Variants in GOLGA6L2 observed in about 807,000 individuals in gnomAD.
GOLGA6L2 encodes the protein golgin subfamily A member 6-like protein 2.
A neutral mutation model predicts 35.9 loss-of-function variants in GOLGA6L2; 30 were observed. The observed-to-expected ratio is 0.83, with a 90% confidence interval of 0.62 to 1.13. GOLGA6L2 has a LOEUF of 1.13. GOLGA6L2 is among the 50% of genes most tolerant of loss of function. GOLGA6L2 has a pLI of 0.00. For missense variants in GOLGA6L2, 821 were observed against 973.4 expected, an observed-to-expected ratio of 0.84 and a Z score of 2.08; for synonymous variants, 297 against 344.0, an observed-to-expected ratio of 0.86 and a Z score of 1.51.
Position 23,441,679 on chromosome 15 carries a change from G to T in GOLGA6L2, c.796C>A (p.Gln266Lys). The T allele has an allele frequency of 6.7e-7, 1 of 1,502,478 alleles. No homozygotes were observed. 93.1% of individuals were successfully genotyped at this position (1,502,478 alleles called of 1,614,324 possible). A position where few individuals can be genotyped will look rare whatever the true frequency, so the allele number is the denominator to read the frequency against. ...ATCTCCTCCTGCAAAGTGTTGGTTT[G>T]AACCTCAAAAGGAAATAGACTTATG... ...ERAKFLLPQV[Q>K]TNTLQEEMWR... is the part of the protein sequence containing the mutation. Residue 266 changes from glutamine (Q) to lysine (K), a missense_variant, in exon 8 of 8, where the codon CAA (glutamine) becomes AAA (lysine). Transcript: ENST00000567107.
In GOLGA6L2 at chr15:23,444,502, T is replaced by C. The variant is rs781250251; in HGVS notation, c.214-2A>G. 2.0e-5 allele frequency: 32 copies of C among 1,599,488 alleles called. No homozygotes were observed. The African/African-American group carries it at 4.0e-4, about 20-fold the overall frequency. ...CAGCTGCGCTCGGTTCTGTTGTGTC[T>C]GTGGGGAGAGTCAAAGGAAGGTGAC... On this transcript the variant is annotated splice_acceptor_variant, in intron 2 of 7. Transcript: ENST00000567107. LOFTEE classifies it high-confidence loss of function.
chr15:23,441,864 C>G (rs2070697466), intron 7 of GOLGA6L2, 115 bp downstream of exon 7: 1 of 1,414,420 alleles, frequency 7.1e-7, no homozygotes. Flanking sequence ...GGGACCAGAA[C>G]AAGGACCCAA....
Position 23,439,357 on chromosome 15 carries a change from C to A in GOLGA6L2, c.*388G>T. The stretch of plus-strand genomic sequence containing the variant: ...AACTCCTGACCTCAGGTGATCCACC[C>A]CCTCTAGGTCTCCCAAAGTGCTGCG... On this transcript the variant is annotated 3_prime_UTR_variant, in exon 8 of 8. Transcript: ENST00000567107. The A allele has an allele frequency of 3.0e-6, 1 of 335,206 alleles. No homozygotes were observed. The highest frequency in any genetic ancestry group is 2.8e-5 in the South Asian group (1 of 36,030). 20.8% of individuals were successfully genotyped at this position (335,206 alleles called of 1,614,324 possible).
At position 23,439,449 on chromosome 15, in the gene GOLGA6L2, T is replaced by TC; in HGVS notation, c.*295_*296insG. ...CAATTTAAAGTAAATTTTCTTTTCT[T>TC]TTTTTTTTTTTTTTTCAAGTTTGTG... On this transcript the variant is annotated 3_prime_UTR_variant, in exon 8 of 8. Coordinates refer to ENST00000567107, the MANE Select transcript of GOLGA6L2 (RefSeq NM_001304388.2). 1 of 449,186 alleles carries TC rather than the reference T, an allele frequency of 2.2e-6. No homozygotes were observed. Among genetic ancestry groups the TC allele is most frequent in the Non-Finnish European group, 3.4e-6 (1 of 291,692 alleles). 27.8% of individuals were successfully genotyped at this position (449,186 alleles called of 1,614,324 possible).
chr15:23,443,109 T>C (rs1475071378), intron 5 of GOLGA6L2, among the ~76,000 whole-genome samples: 1 of 152,172 alleles, frequency 6.6e-6, no homozygotes, highest in Non-Finnish European at 1.5e-5. Context: ...AAAAGTTAAA[T>C]GGTTGCCTAA....
At position 23,441,395 on chromosome 15, in the gene GOLGA6L2, C is replaced by T. The variant is rs1391646086; in HGVS notation, c.1080G>A (p.Gln360=). The change falls in exon 8 of 8, where the codon CAG becomes CAA. Residue 360 remains glutamine (Q), a synonymous_variant. Transcript: ENST00000567107. ...CTTCCTGCTCCCGCATCTTCTCCTC[C>T]TGCTCCCACATCTTCTCCTCCTGCT... The part of the protein sequence containing the change: ...MQEQEEKMWE[Q]EEKMREQEEK... 9.8e-6 allele frequency: 15 copies of T among 1,535,864 alleles called. No individual in the cohort carries two copies. The East Asian group carries it at 3.7e-4, about 38-fold the overall frequency.
At chr15:23,445,805 A>G (rs1256502908) in intron 1 of GOLGA6L2, among the ~76,000 whole-genome samples, 2 of 152,200 alleles carry the variant, frequency 1.3e-5, no homozygotes, top group African/African-American at 4.8e-5. Flanking sequence ...ACTACCTCTC[A>G]GACTTTTACA....
At chr15:23,443,746 C>T (rs2070724895) in intron 5 of GOLGA6L2, 31 bp downstream of exon 5, 1 of 1,507,722 alleles carries the variant, frequency 6.6e-7, no homozygotes, top group African/African-American at 1.4e-5. Flanking sequence ...AAGCTGGGAT[C>T]CCAGGAGACT....
At chr15:23,441,726 C>T (rs2070695683) in intron 7 of GOLGA6L2, 44 bp from the exon 8 acceptor site, 5 of 1,438,000 alleles carry the variant, frequency 3.5e-6, no homozygotes, top group Non-Finnish European at 4.5e-6. Context: ...TAAATGTAAT[C>T]TATAAAATAA....
intron 1 of GOLGA6L2, among the ~76,000 whole-genome samples, chr15:23,445,745 G>C (rs11161115): frequency 0.81 from 123,170 of 152,166 alleles, 50,585 homozygotes; most frequent in Middle Eastern, 0.88. Flanking sequence ...TACACTGTTT[G>C]GTTTAGAGTC....
chr15:23,444,543 G>A, intron 2 of GOLGA6L2, 43 bp from the exon 3 acceptor site: 1 of 1,586,694 alleles, frequency 6.3e-7, no homozygotes, highest in Non-Finnish European at 8.6e-7. Context: ...GTGGCCCCCT[G>A]GACTCTATTC....
chr15:23,441,619 T>C lies in GOLGA6L2; in HGVS notation c.856A>G (p.Lys286Glu). The C allele has an allele frequency of 6.5e-7, 1 of 1,546,774 alleles. No homozygotes were observed. Among genetic ancestry groups the C allele is most frequent in the Non-Finnish European group, 8.7e-7 (1 of 1,145,632 alleles). ...TTCTCCTCCTGCTTCCGTATCTTCTTTTCCTGCTCCCGTAGCTCCTCCTCC... is the reference window on the plus strand; with the variant it reads ...TTCTCCTCCTGCTTCCGTATCTTCTCTTCCTGCTCCCGTAGCTCCTCCTCC... ...RQEEELREQE[K>E]KIRKQEEKMW... is the part of the protein sequence containing the mutation. The change falls in exon 8 of 8, where the codon AAG becomes GAG. Residue 286 changes from lysine to glutamate, a missense_variant. This residue lies in a region of GOLGA6L2 where 614 missense variants were observed against 632.3 expected (regional missense o/e 0.97). Coordinates refer to ENST00000567107, the MANE Select transcript of GOLGA6L2 (RefSeq NM_001304388.2).
In GOLGA6L2 at chr15:23,439,731, C is replaced by A; in HGVS notation, c.*14G>T. 1 of 1,536,648 alleles carries A rather than the reference C, an allele frequency of 6.5e-7. No individual in the cohort carries two copies. The highest frequency in any genetic ancestry group is 1.2e-5 in the South Asian group (1 of 84,040). On this transcript the variant is annotated 3_prime_UTR_variant, in exon 8 of 8. Transcript: ENST00000567107. Reference sequence around the variant, plus strand: ...TCTCCTCCTGCAGGCTCCACACTGCCAGTGTGGCTCATATTACAAAGAACT... The same window carrying A: ...TCTCCTCCTGCAGGCTCCACACTGCAAGTGTGGCTCATATTACAAAGAACT...
rs1034851825 is a variant in GOLGA6L2, at chr15:23,443,304, A to G, written c.591+473T>C. Among the ~76,000 whole-genome samples the G allele has an allele frequency of 2.4e-4, 37 of 152,162 alleles. 1 individual carries two copies. Among genetic ancestry groups the G allele is most frequent in the African/African-American group, 7.7e-4 (32 of 41,428 alleles). ...TAGAGAAGGGAAATATCTACCCCACACACACTGTTCCTGTCTCCTGAGTTT... is the reference window on the plus strand; with the variant it reads ...TAGAGAAGGGAAATATCTACCCCACGCACACTGTTCCTGTCTCCTGAGTTT... On this transcript the variant is annotated intron_variant, in intron 5 of 7. Transcript: ENST00000567107.
At chr15:23,447,032 G>C in intron 1 of GOLGA6L2, 66 bp downstream of exon 1, 1 of 763,918 alleles carries the variant, frequency 1.3e-6, no homozygotes, top group Admixed American at 2.2e-5. Context: ...TCTGGCAGAT[G>C]TTCTGCCATG....
intron 1 of GOLGA6L2, among the ~76,000 whole-genome samples, chr15:23,446,731 C>T (rs1216803397): frequency 6.6e-6 from 1 of 151,932 alleles, no homozygotes; most frequent in African/African-American, 2.4e-5. Flanking sequence ...CCAGGAGTCA[C>T]CTGCCCAAAG....
In GOLGA6L2 at chr15:23,440,825, C is replaced by A. The variant is rs748824436; in HGVS notation, c.1650G>T (p.Glu550Asp). The A allele has an allele frequency of 1.3e-6, 2 of 1,495,052 alleles. No homozygotes were observed. The highest frequency in any genetic ancestry group is 1.8e-6 in the Non-Finnish European group (2 of 1,120,154). The allele number at this position is 1,495,052 out of a possible 1,614,324, so 92.6% of individuals were successfully genotyped here. ...REQEDVETGG[E>D]AAGAGEADVG... ...CATCTGCTTCTCCTGCTCCTGCAGC[C>A]TCTCCTCCTGTCTCCACATCTTCCT... Residue 550 changes from glutamate to aspartate, a missense_variant, in exon 8 of 8, where the codon GAG becomes GAT. Around this residue, in one of 7 missense-constraint regions of GOLGA6L2, gnomAD observed 614 missense variants for 632.3 expected, o/e 0.97. Transcript: ENST00000567107.
rs878968850 is a variant in GOLGA6L2 at position 23,439,103 on chromosome 15, G to C, written c.*642C>G. Among the ~76,000 whole-genome samples, 1 of 147,546 alleles carries C rather than the reference G, an allele frequency of 6.8e-6. No individual in the cohort carries two copies. The highest frequency in any genetic ancestry group is 2.1e-4 in the South Asian group (1 of 4,676). On this transcript the variant is annotated 3_prime_UTR_variant, in exon 8 of 8. Transcript: ENST00000567107. Reference sequence around the variant, plus strand: ...AACAAGACTAAATGAGAAAGACCAAGAAGAAAAACAATAGAAACATACATA... The same window carrying C: ...AACAAGACTAAATGAGAAAGACCAACAAGAAAAACAATAGAAACATACATA...
Position 23,444,216 on chromosome 15 carries a change from T to C in GOLGA6L2, c.244-4A>G, listed in dbSNP as rs746895047. The C allele has an allele frequency of 1.3e-5, 21 of 1,603,812 alleles. No homozygotes were observed. The South Asian group carries it at 1.5e-4, about 12-fold the overall frequency. On this transcript the variant is annotated splice_polypyrimidine_tract_variant and splice_region_variant and intron_variant, in intron 3 of 7. Transcript: ENST00000567107. ...GTTGGTGGCTTGCCTTCTTTTCCTA[T>C]AGAAAGAGGAAGACAGAGCTCTTAC...
Sources: allele counts gnomAD v4.1 joint callset (sites outside exome capture counted in the v4.1 genomes callset), GRCh38; gene constraint gnomAD v4.1.1; regional missense constraint gnomAD v4.1.1; transcripts MANE v1.5; gene names NCBI Gene and HGNC (gene_info 2026-07-23, HGNC 2026-07-21).